The following TTC7B variants were observed in gnomAD, a reference collection of about 807,000 sequenced individuals.
The protein encoded by TTC7B is tetratricopeptide repeat domain 7B.
In TTC7B, 28 loss-of-function variants were observed where a neutral mutation model predicts 106.8. That is an observed-to-expected ratio of 0.26 (90% CI 0.19 to 0.36). The LOEUF (loss-of-function observed/expected upper bound fraction) is 0.36, where lower values mean the gene tolerates loss of function less well. TTC7B is among the 10% of genes least tolerant of loss of function. The pLI is 1.00. For missense variants in TTC7B, 862 were observed against 1,076.4 expected, an observed-to-expected ratio of 0.80 and a Z score of 2.79; for synonymous variants, 405 against 430.6, an observed-to-expected ratio of 0.94 and a Z score of 0.74.
At chr14:90,809,679 T>A (rs1301557798) in intron 1 of TTC7B, among the ~76,000 whole-genome samples, 1 of 152,260 alleles carries the variant, frequency 6.6e-6, no homozygotes, top group Non-Finnish European at 1.5e-5. Context: ...CTTCCTTACT[T>A]ACACCTGTTC....
Position 90,540,922 on chromosome 14 carries a change from G to A in TTC7B, c.*446C>T, listed in dbSNP as rs1464916219. ...TGGACTAGTGCTGAGGTGGGAGACAGGAAGTTCACATTTGGTTTCTGGGCC... is the reference window on the plus strand; with the variant it reads ...TGGACTAGTGCTGAGGTGGGAGACAAGAAGTTCACATTTGGTTTCTGGGCC... On this transcript the variant is annotated 3_prime_UTR_variant, in exon 20 of 20. Transcript: ENST00000328459. 1.2e-5 allele frequency: 2 copies of A among 160,722 alleles called. No individual in the cohort carries two copies. Among genetic ancestry groups the A allele is most frequent in the Non-Finnish European group, 2.7e-5 (2 of 73,550 alleles). 10.0% of individuals were successfully genotyped at this position (160,722 alleles called of 1,614,324 possible). A position where few individuals can be genotyped will look rare whatever the true frequency, so the allele number is the denominator to read the frequency against.
chr14:90,657,092 CTCT>C lies in TTC7B; in HGVS notation c.1341+79_1341+81del, dbSNP rs1885978687. 8.3e-7 allele frequency: 1 copy of C among 1,201,284 alleles called. No individual in the cohort carries two copies. Among genetic ancestry groups the C allele is most frequent in the Non-Finnish European group, 1.2e-6 (1 of 830,344 alleles). The allele number at this position is 1,201,284 out of a possible 1,614,324, so 74.4% of individuals were successfully genotyped here. ...AGCTGATGAATCACCCTCGCTTTCT[CTCT>C]GTGCCTCGACATGAAAAAAATGGGC... On this transcript the variant is annotated intron_variant, in intron 11 of 19. Coordinates refer to ENST00000328459, the MANE Select transcript of TTC7B (RefSeq NM_001010854.2). The surrounding 1 kb of genome is among the most constrained non-coding windows in gnomAD (Gnocchi z 4.2).
chr14:90,801,202 G>C (rs1015863672), intron 1 of TTC7B, among the ~76,000 whole-genome samples: 13 of 138,336 alleles, frequency 9.4e-5, no homozygotes, highest in African/African-American at 3.5e-4. Flanking sequence ...TCCAGCTTGG[G>C]AGACAGAGCA....
chr14:90,788,878 G>A (rs1367472631), intron 1 of TTC7B, among the ~76,000 whole-genome samples: 2 of 151,586 alleles, frequency 1.3e-5, no homozygotes, highest in African/African-American at 2.4e-5. Flanking sequence ...CAGGAGAATC[G>A]CTTGAACCCA....
At position 90,578,587 on chromosome 14, in the gene TTC7B, G is replaced by T. The variant is rs915112264; in HGVS notation, c.2108-279C>A. On this transcript the variant is annotated intron_variant, in intron 18 of 19. Coordinates refer to ENST00000328459, the MANE Select transcript of TTC7B (RefSeq NM_001010854.2). This position sits in a 1 kb window ranked among gnomAD's most constrained non-coding sequence, Gnocchi z 4.7. ...GCCTGGTCCCTGCCCCAACCTCTGA[G>T]GGCACCCACCCTCAGGGCCCACCCG... 5.9e-5 allele frequency among the ~76,000 whole-genome samples: 9 copies of T among 152,042 alleles called. No homozygotes were observed. The highest frequency in any genetic ancestry group is 2.2e-4 in the African/African-American group (9 of 41,404).
At chr14:90,605,857 G>C in intron 17 of TTC7B, 1 of 906,562 alleles carries the variant, frequency 1.1e-6, no homozygotes, top group Non-Finnish European at 1.4e-6. Context: ...CACATAAGCT[G>C]CAAAGAAAAT....
At chr14:90,671,985 A>G (rs148172325) in intron 9 of TTC7B, among the ~76,000 whole-genome samples, 1,964 of 152,330 alleles carry the variant, frequency 0.013, 22 homozygotes, top group Non-Finnish European at 0.022. Flanking sequence ...AACGCTGCAC[A>G]ACACACCCAC....
At chr14:90,738,434 C>T (rs1319579633) in intron 4 of TTC7B, among the ~76,000 whole-genome samples, 1 of 152,062 alleles carries the variant, frequency 6.6e-6, no homozygotes, top group Non-Finnish European at 1.5e-5. Flanking sequence ...CATGATGAAA[C>T]CCTGTCTCTA....
chr14:90,667,569 T>C (rs1381909630), intron 9 of TTC7B, among the ~76,000 whole-genome samples: 1 of 152,212 alleles, frequency 6.6e-6, no homozygotes, highest in African/African-American at 2.4e-5. Context: ...ATTACAAAAG[T>C]TGTACTCATT....
chr14:90,576,877 T>C lies in TTC7B; in HGVS notation c.2310+1229A>G, dbSNP rs536194256. Among the ~76,000 whole-genome samples, 4 of 152,354 alleles carry C rather than the reference T, an allele frequency of 2.6e-5. No individual in the cohort carries two copies. In the East Asian group the frequency reaches 7.7e-4, roughly 29 times the overall value. On this transcript the variant is annotated intron_variant, in intron 19 of 19. Transcript: ENST00000328459. Reference sequence around the variant, plus strand: ...TTTGGGGAACATTTTACTTATTAGTTACAAAACCACATCCTATTAGTCTTG... The same window carrying C: ...TTTGGGGAACATTTTACTTATTAGTCACAAAACCACATCCTATTAGTCTTG...
chr14:90,766,913 G>A, intron 3 of TTC7B: 1 of 1,548,600 alleles, frequency 6.5e-7, no homozygotes, highest in South Asian at 1.1e-5. Context: ...CACTCCTGGG[G>A]CCTTCATGTC....
chr14:90,543,726 C>T (rs934557988), intron 19 of TTC7B, among the ~76,000 whole-genome samples: 1 of 152,194 alleles, frequency 6.6e-6, no homozygotes, highest in Non-Finnish European at 1.5e-5. Flanking sequence ...AGTCTTCCCA[C>T]TGAGGAATGA....
At chr14:90,804,489 CTG>C (rs2030484990) in intron 1 of TTC7B, among the ~76,000 whole-genome samples, 1 of 152,204 alleles carries the variant, frequency 6.6e-6, no homozygotes, top group African/African-American at 2.4e-5. Context: ...TGGGCCGGGC[CTG>C]AGGGACTTCT....
chr14:90,699,760 G>T (rs1887912025), intron 5 of TTC7B, among the ~76,000 whole-genome samples: 3 of 152,122 alleles, frequency 2.0e-5, no homozygotes, highest in South Asian at 4.1e-4. Flanking sequence ...GAAGCACTAG[G>T]TTACTTCCAC....
chr14:90,598,890 G>C (rs941449616), intron 17 of TTC7B, among the ~76,000 whole-genome samples: 1 of 152,240 alleles, frequency 6.6e-6, no homozygotes, highest in Non-Finnish European at 1.5e-5. Context: ...GCTCACGCCT[G>C]TAATCCCAGC....
At chr14:90,647,159 A>T (rs1294017605) in intron 13 of TTC7B, 136 bp from the exon 14 acceptor site, 27 of 715,822 alleles carry the variant, frequency 3.8e-5, no homozygotes, top group Non-Finnish European at 6.1e-5. Flanking sequence ...CTTCATTTAA[A>T]CTCTTCTTCT....
chr14:90,545,560 C>T (rs533211883), intron 19 of TTC7B, among the ~76,000 whole-genome samples: 7 of 152,314 alleles, frequency 4.6e-5, no homozygotes, highest in East Asian at 1.9e-4. Context: ...CCATTCTGTC[C>T]GCCAGAAAGT....
intron 18 of TTC7B, among the ~76,000 whole-genome samples, chr14:90,579,988 T>C (rs896964983): frequency 1.3e-5 from 2 of 152,240 alleles, no homozygotes; most frequent in East Asian, 1.9e-4. Flanking sequence ...AGGTTAACCC[T>C]GAGGCCAACC....
chr14:90,780,638 G>A, intron 3 of TTC7B, 100 bp downstream of exon 3: 1 of 1,399,300 alleles, frequency 7.1e-7, no homozygotes, highest in East Asian at 2.3e-5. Context: ...GAACTGCCAG[G>A]TTCATCACCA....
Sources: allele counts gnomAD v4.1 joint callset (sites outside exome capture counted in the v4.1 genomes callset), GRCh38; gene constraint gnomAD v4.1.1; non-coding constraint Gnocchi (gnomAD v3.1); transcripts MANE v1.5; gene names NCBI Gene and HGNC (gene_info 2026-07-23, HGNC 2026-07-21).